Variants in AKNA observed in about 807,000 individuals in gnomAD.
AKNA encodes the protein microtubule organization protein AKNA.
Under a neutral mutation model 138.8 loss-of-function variants are expected in AKNA, and 67 were observed. The ratio of observed to expected loss-of-function variants is 0.48; its 90% CI spans 0.40 to 0.59. The LOEUF is 0.59. Ranked by LOEUF, AKNA falls within the 20% of genes least tolerant of loss-of-function variation. The probability of loss-of-function intolerance (pLI) is 0.00; values close to 1 mark genes in which losing one functional copy is unlikely to be tolerated. For missense variants in AKNA, 1,813 were observed against 1,880.4 expected (o/e 0.96, Z 0.66); for synonymous variants, 737 against 754.4 (o/e 0.98, Z 0.38).
At position 114,381,199 on chromosome 9, in the gene AKNA, T is replaced by C; in HGVS notation, c.135A>G (p.Arg45=). The change falls in exon 2 of 22, where the codon AGA becomes AGG. Residue 45 remains arginine (R), a synonymous_variant. Coordinates refer to ENST00000374088, the MANE Select transcript of AKNA (RefSeq NM_001317950.2). Reference sequence around the variant, plus strand: ...CGGGGCTGGTGGCATTGGGAAAGAGTCTCTCTTCTTCCCAGCTTTGTGAAC... The same window carrying C: ...CGGGGCTGGTGGCATTGGGAAAGAGCCTCTCTTCTTCCCAGCTTTGTGAAC... The part of the protein sequence containing the change: ...RSSSQSWEEE[R]LFPNATSPEL... The C allele has an allele frequency of 6.2e-7, 1 of 1,613,518 alleles. No homozygotes were observed. Among genetic ancestry groups the C allele is most frequent in the Non-Finnish European group, 8.5e-7 (1 of 1,179,822 alleles).
chr9:114,370,120 G>A (rs898748638), intron 4 of AKNA, among the ~76,000 whole-genome samples: 2 of 152,250 alleles, frequency 1.3e-5, no homozygotes, highest in Admixed American at 6.5e-5. Context: ...CCCCAGGCAA[G>A]CAGGCTCTCT....
intron 2 of AKNA, among the ~76,000 whole-genome samples, chr9:114,380,256 A>T (rs1833540619): frequency 6.6e-6 from 1 of 152,224 alleles, no homozygotes; most frequent in Non-Finnish European, 1.5e-5. Context: ...TATTAATGAC[A>T]TTCATCACTG....
Position 114,377,269 on chromosome 9 carries a change from C to T in AKNA, c.538G>A (p.Gly180Arg), listed in dbSNP as rs1442361131. 1 of 1,614,080 alleles carries T rather than the reference C, an allele frequency of 6.2e-7. No homozygotes were observed. The highest frequency in any genetic ancestry group is 8.5e-7 in the Non-Finnish European group (1 of 1,180,024). The change falls in exon 3 of 22, where the codon GGG (glycine) becomes AGG (arginine). Residue 180 changes from glycine (G) to arginine (R), a missense_variant. Physicochemically the swap from Gly to Arg is moderately radical, Grantham distance 125. Transcript: ENST00000374088. ...GWVASGEQAS[G>R]DKLSEHSEVN... ...TCGGAATGTTCAGAAAGTTTGTCCC[C>T]ACTGGCTTGTTCGCCAGAAGCCACC...
chr9:114,379,324 G>A (rs912055664), intron 2 of AKNA, among the ~76,000 whole-genome samples: 6 of 152,256 alleles, frequency 3.9e-5, no homozygotes, highest in Admixed American at 6.5e-5. Flanking sequence ...ACAAGAGAGG[G>A]CCAGACCCTG....
chr9:114,379,507 GCAGTGC>G (rs1195781359), intron 2 of AKNA, among the ~76,000 whole-genome samples: 9 of 152,196 alleles, frequency 5.9e-5, no homozygotes. Flanking sequence ...TCCTCAGTGG[GCAGTGC>G]CCACTTTGAG....
Position 114,343,740 on chromosome 9 carries a change from G to A in AKNA, c.3725C>T (p.Pro1242Leu), listed in dbSNP as rs765696116. 7 of 1,614,070 alleles carry A rather than the reference G, an allele frequency of 4.3e-6. No homozygotes were observed. In the East Asian group the frequency reaches 1.6e-4, roughly 36 times the overall value. ...CTGGGTCCTAATGGGCCGGCAGTGG[G>A]GACAGGAGACTGTGCCATTGCCTTT... ...VPKGNGTVSC[P>L]HCRPIRTQDA... Residue 1242 changes from proline to leucine, a missense_variant, in exon 19 of 22, where the codon CCC becomes CTC. By Grantham distance (98) the Pro-to-Leu change is moderately conservative (BLOSUM62 -3). Transcript: ENST00000374088.
intron 21 of AKNA, among the ~76,000 whole-genome samples, chr9:114,337,849 G>A (rs939521821): frequency 6.6e-6 from 1 of 152,158 alleles, no homozygotes; most frequent in African/African-American, 2.4e-5. Flanking sequence ...CCATGTCCTG[G>A]GAAGTGGGTA....
Position 114,357,993 on chromosome 9 carries a change from GCTGGTCATA to G in AKNA, c.2658_2666del (p.Met887_Ser889del). The G allele has an allele frequency of 6.2e-7, 1 of 1,607,212 alleles. No individual in the cohort carries two copies. On this transcript the variant is annotated inframe_deletion, in exon 12 of 22. Transcript: ENST00000374088. The stretch of plus-strand genomic sequence containing the variant: ...GCTCAGAGATGCCGCTTCCCTCCAG[GCTGGTCATA>G]CTACTTTGGTGGGATGCTGCGGACT...
At position 114,376,491 on chromosome 9, in the gene AKNA, G is replaced by A; in HGVS notation, c.1316C>T (p.Ala439Val). The A allele has an allele frequency of 6.2e-7, 1 of 1,613,866 alleles. No homozygotes were observed. The highest frequency in any genetic ancestry group is 8.5e-7 in the Non-Finnish European group (1 of 1,179,922). The part of the protein sequence containing the change: ...VPQEFQTPEQ[A>V]TELVHQLQED... ...CTGGAGCTGATGGACCAGCTCAGTG[G>A]CTTGCTCAGGCGTCTGAAATTCTTG... Residue 439 changes from alanine (A) to valine (V), a missense_variant, in exon 3 of 22, where the codon GCC becomes GTC. Transcript: ENST00000374088.
At position 114,377,118 on chromosome 9, in the gene AKNA, G is replaced by T; in HGVS notation, c.689C>A (p.Ala230Asp). ...EGETDGPQPTALAETLPEGPS... is the reference protein window; with the variant it reads ...EGETDGPQPTDLAETLPEGPS... ...GCCCTCTGGCAAGGTTTCTGCCAGG[G>T]CAGTGGGCTGGGGGCCATCGGTCTC... is the stretch of plus-strand genomic sequence containing the variant. Residue 230 changes from alanine (A) to aspartate (D), a missense_variant, in exon 3 of 22, where the codon GCC becomes GAC. By Grantham distance (126) the Ala-to-Asp change is moderately radical. Transcript: ENST00000374088. 6.2e-7 allele frequency: 1 copy of T among 1,614,182 alleles called. No homozygotes were observed. Among genetic ancestry groups the T allele is most frequent in the Non-Finnish European group, 8.5e-7 (1 of 1,180,024 alleles).
downstream of AKNA, chr9:114,330,530 C>A: frequency 1.9e-6 from 3 of 1,612,416 alleles, no homozygotes; most frequent in Non-Finnish European, 2.5e-6. Context: ...TTACTTTACC[C>A]CCAACAAGAC....
intron 3 of AKNA, 127 bp from the exon 4 acceptor site, chr9:114,374,294 G>A (rs186713870): frequency 1.1e-6 from 1 of 889,816 alleles, no homozygotes; most frequent in African/African-American, 1.6e-5. Context: ...AGCATTCAAT[G>A]GTGGGATCCG....
chr9:114,332,396 TATA>T (rs1829869649), downstream of AKNA, among the ~76,000 whole-genome samples: 1 of 152,128 alleles, frequency 6.6e-6, no homozygotes, highest in Admixed American at 6.5e-5. Context: ...AAAATTACTG[TATA>T]ATGAGCTCCT....
At chr9:114,360,426 T>C (rs955882951) in intron 9 of AKNA, among the ~76,000 whole-genome samples, 5 of 152,214 alleles carry the variant, frequency 3.3e-5, no homozygotes, top group African/African-American at 4.8e-5. Flanking sequence ...CTAGATTTCC[T>C]GCCAGAGTTA....
chr9:114,360,035 T>G lies in AKNA; in HGVS notation c.2152A>C (p.Thr718Pro). The G allele has an allele frequency of 6.2e-7, 1 of 1,614,216 alleles. No individual in the cohort carries two copies. The highest frequency in any genetic ancestry group is 8.5e-7 in the Non-Finnish European group (1 of 1,180,038). ...TTTACGTGCAATGGGCAGGGGCCAG[T>G]GCTGGCGGCGGCAGTGGTGGTAGCA... ...EPATTTAAAS[T>P]GPCPLHVNVE... Residue 718 changes from threonine (T) to proline (P), a missense_variant, in exon 10 of 22, where the codon ACT becomes CCT. Physicochemically the swap from Thr to Pro is conservative, Grantham distance 38. Transcript: ENST00000374088.
upstream of AKNA, chr9:114,388,125 G>A (rs1021922631): frequency 9.1e-5 from 24 of 263,744 alleles, no homozygotes; most frequent in African/African-American, 4.0e-4. Flanking sequence ...GTTTGTCTGC[G>A]TGCAGAGCAA....
intron 15 of AKNA, among the ~76,000 whole-genome samples, chr9:114,350,294 G>C (rs1314869653): frequency 6.6e-6 from 1 of 152,076 alleles, no homozygotes; most frequent in Non-Finnish European, 1.5e-5. Flanking sequence ...ACCTTGGCTG[G>C]GCCACCACCG....
Position 114,377,137 on chromosome 9 carries a change from C to G in AKNA, c.670G>C (p.Asp224His), listed in dbSNP as rs147177737. ...GCCAGGGCAGTGGGCTGGGGGCCAT[C>G]GGTCTCTCCTTCCCAGGTAGAATCA... ...SLDSTWEGET[D>H]GPQPTALAET... is the part of the protein sequence containing the mutation. Residue 224 changes from aspartate (D) to histidine (H), a missense_variant, in exon 3 of 22, where the codon GAT (aspartate) becomes CAT (histidine). Coordinates refer to ENST00000374088, the MANE Select transcript of AKNA (RefSeq NM_001317950.2). 1.2e-6 allele frequency: 2 copies of G among 1,614,036 alleles called. No homozygotes were observed. Among genetic ancestry groups the G allele is most frequent in the Non-Finnish European group, 8.5e-7 (1 of 1,180,030 alleles).
At position 114,337,012 on chromosome 9, in the gene AKNA, T is replaced by TTGGGGGGGGGGGGGGGGGGGGG; in HGVS notation, c.*41_*42insCCCCCCCCCCCCCCCCCCCCCA. 9 of 1,208,218 alleles carry TTGGGGGGGGGGGGGGGGGGGGG rather than the reference T, an allele frequency of 7.4e-6. No homozygotes were observed. The highest frequency in any genetic ancestry group is 3.7e-5 in the Admixed American group (1 of 27,362). The allele number at this position is 1,208,218 out of a possible 1,614,324, so 74.8% of individuals were successfully genotyped here. On this transcript the variant is annotated 3_prime_UTR_variant, in exon 22 of 22. Coordinates refer to ENST00000374088, the MANE Select transcript of AKNA (RefSeq NM_001317950.2). ...CCCACTCCTGGCCTGGCAGGCCACC[T>TTGGGGGGGGGGGGGGGGGGGGG]GCCCACCCACCCACCCATCTGCCTC... is the stretch of plus-strand genomic sequence containing the variant.
Sources: gnomAD v4.1 joint callset for allele counts (sites outside exome capture counted in the v4.1 genomes callset) on GRCh38, gnomAD v4.1.1 for gene constraint, MANE v1.5 for transcripts, NCBI Gene and HGNC (gene_info 2026-07-23, HGNC 2026-07-21) for gene names.